The following RBM39 variants were observed in gnomAD, a reference collection of about 807,000 sequenced individuals.
RBM39 encodes the protein RNA-binding protein 39.
Under a neutral mutation model 79.6 loss-of-function variants are expected in RBM39, and 12 were observed. The ratio of observed to expected loss-of-function variants is 0.15; its 90% confidence interval spans 0.10 to 0.24. RBM39 has a LOEUF of 0.24. Among genes scored for constraint, RBM39 ranks in the 10% least tolerant of loss-of-function variants. The pLI is 1.00. For synonymous variants in RBM39, 185 were observed against 208.4 expected, an observed-to-expected ratio of 0.89 and a Z score of 0.97; for missense variants, 243 against 653.4, an observed-to-expected ratio of 0.37 and a Z score of 6.85.
At chr20:35,726,759 C>T (rs1316738355) in intron 6 of RBM39, among the ~76,000 whole-genome samples, 1 of 152,118 alleles carries the variant, frequency 6.6e-6, no homozygotes, top group Non-Finnish European at 1.5e-5. Context: ...CGATCTTTTC[C>T]ATTTTTTGGA....
chr20:35,721,623 G>T lies in RBM39; in HGVS notation c.825+117C>A, dbSNP rs1481855260. ...TGTCACAGAAATTTTTATAAAACCAGCCCTTATCCTCTTAATATTAACTCA... is the reference window on the plus strand; with the variant it reads ...TGTCACAGAAATTTTTATAAAACCATCCCTTATCCTCTTAATATTAACTCA... On this transcript the variant is annotated intron_variant, in intron 9 of 16. Transcript: ENST00000253363. 4 of 1,190,854 alleles carry T rather than the reference G, an allele frequency of 3.4e-6. No individual in the cohort carries two copies. In the African/African-American group the frequency reaches 4.7e-5, roughly 14 times the overall value. 73.8% of individuals were successfully genotyped at this position (1,190,854 alleles called of 1,614,324 possible). A position where few individuals can be genotyped will look rare whatever the true frequency, so the allele number is the denominator to read the frequency against.
rs571255391 is a variant in RBM39, at chr20:35,708,815, A to G, written c.1225+409T>C. ...ACTATGTCTTAAGCAAAAAAAGGTG[A>G]GTTTTATAGCATGATTCACAACTTT... On this transcript the variant is annotated intron_variant, in intron 13 of 16. Transcript: ENST00000253363. The G allele has an allele frequency of 1.5e-4, 26 of 169,622 alleles. No homozygotes were observed. In the East Asian group the frequency reaches 4.1e-3, roughly 27 times the overall value. 10.5% of individuals were successfully genotyped at this position (169,622 alleles called of 1,614,324 possible). A position where few individuals can be genotyped will look rare whatever the true frequency, so the allele number is the denominator to read the frequency against.
Position 35,703,185 on chromosome 20 carries a change from C to T in RBM39, c.*1296G>A, listed in dbSNP as rs2035365163. The T allele has an allele frequency of 6.6e-6, 1 of 152,110 alleles. No homozygotes were observed. The allele number at this position is 152,110 out of a possible 1,614,324, so 9.4% of individuals were successfully genotyped here. A position where few individuals can be genotyped will look rare whatever the true frequency, so the allele number is the denominator to read the frequency against. Reference sequence around the variant, plus strand: ...TAAATGGTGACAGCTTGCTTCCCAACTAGTATGAAAGCTCAAAACCCCTTA... The same window carrying T: ...TAAATGGTGACAGCTTGCTTCCCAATTAGTATGAAAGCTCAAAACCCCTTA... On this transcript the variant is annotated 3_prime_UTR_variant, in exon 17 of 17. Coordinates refer to ENST00000253363, the MANE Select transcript of RBM39 (RefSeq NM_184234.3).
At chr20:35,725,657 CTTTTT>C (rs773506913) in intron 6 of RBM39, among the ~76,000 whole-genome samples, 2 of 122,210 alleles carry the variant, frequency 1.6e-5, no homozygotes, top group African/African-American at 3.1e-5. Flanking sequence ...AACCCATTTT[CTTTTT>C]TTTTTTTTTT....
At chr20:35,715,796 A>C (rs1250807724) in intron 10 of RBM39, among the ~76,000 whole-genome samples, 1 of 152,162 alleles carries the variant, frequency 6.6e-6, no homozygotes, top group Non-Finnish European at 1.5e-5. Context: ...GACAAGGCAG[A>C]TCCCTCATGA....
chr20:35,713,068 T>C lies in RBM39; in HGVS notation c.1125A>G (p.Ala375=), dbSNP rs1275145166. The change falls in exon 12 of 17, where the codon GCA becomes GCG. Residue 375 remains alanine, a synonymous_variant. Coordinates refer to ENST00000253363, the MANE Select transcript of RBM39 (RefSeq NM_184234.3). ...EGTGLQIPPA[A]QQALQMSGSL... ...AGCCACTCATCTGTAGAGCTTGCTG[T>C]GCTGCTGGCGGAATCTGCAAACCTG... The C allele has an allele frequency of 1.9e-6, 3 of 1,613,892 alleles. No individual in the cohort carries two copies. The highest frequency in any genetic ancestry group is 1.7e-4 in the Middle Eastern group (1 of 6,060).
intron 12 of RBM39, among the ~76,000 whole-genome samples, chr20:35,712,435 C>CAAAA (rs765974114): frequency 1.5e-4 from 5 of 32,808 alleles, no homozygotes; most frequent in African/African-American, 5.3e-4. Context: ...TACTGTTATC[C>CAAAA]AAAAAAAAAA....
At chr20:35,734,278 A>C (rs1470231035) in intron 3 of RBM39, 3 of 1,269,076 alleles carry the variant, frequency 2.4e-6, no homozygotes. Context: ...AAGATAATCC[A>C]CCTGACTGTC....
intron 12 of RBM39, among the ~76,000 whole-genome samples, chr20:35,711,771 T>G (rs1357239963): frequency 3.3e-5 from 5 of 152,228 alleles, no homozygotes; most frequent in African/African-American, 1.2e-4. Context: ...CCACAGGACC[T>G]CTTCGTACTT....
In RBM39 at chr20:35,703,185, C is replaced by G. The variant is rs2035365163; in HGVS notation, c.*1296G>C. The stretch of plus-strand genomic sequence containing the variant: ...TAAATGGTGACAGCTTGCTTCCCAA[C>G]TAGTATGAAAGCTCAAAACCCCTTA... On this transcript the variant is annotated 3_prime_UTR_variant, in exon 17 of 17. Transcript: ENST00000253363. 1 of 152,110 alleles carries G rather than the reference C, an allele frequency of 6.6e-6. No homozygotes were observed. The highest frequency in any genetic ancestry group is 2.4e-5 in the African/African-American group (1 of 41,420). The allele number at this position is 152,110 out of a possible 1,614,324, so 9.4% of individuals were successfully genotyped here.
At chr20:35,735,072 G>A (rs749889070) in intron 3 of RBM39, 1 of 1,565,556 alleles carries the variant, frequency 6.4e-7, no homozygotes, top group South Asian at 1.2e-5. Flanking sequence ...AATTTTTAAT[G>A]CAAAGTATTC....
rs1483140966 is a variant in RBM39, at chr20:35,728,962, G to A, written c.416+350C>T. 2.0e-5 allele frequency among the ~76,000 whole-genome samples: 3 copies of A among 151,914 alleles called. No homozygotes were observed. The East Asian group carries it at 5.8e-4, about 29-fold the overall frequency. On this transcript the variant is annotated intron_variant, in intron 6 of 16. Coordinates refer to ENST00000253363, the MANE Select transcript of RBM39 (RefSeq NM_184234.3). ...ATGGTGGTGCATGCCTGTAATCCCA[G>A]CTACTTGGAGGGCTGAGGTAGAAGA...
chr20:35,739,186 A>G, intron 2 of RBM39, 169 bp from the exon 3 acceptor site: 1 of 664,330 alleles, frequency 1.5e-6, no homozygotes, highest in South Asian at 1.8e-5. Flanking sequence ...TATGTGTTTA[A>G]CCACTTTGTT....
At chr20:35,704,884 T>C (rs1044525421) in intron 15 of RBM39, 138 bp from the exon 16 acceptor site, 3 of 668,592 alleles carry the variant, frequency 4.5e-6, no homozygotes, top group Non-Finnish European at 7.7e-6. Flanking sequence ...CACTGGCTAA[T>C]AGGTATACTA....
At chr20:35,718,704 T>C (rs1466459817) in intron 9 of RBM39, among the ~76,000 whole-genome samples, 3 of 150,934 alleles carry the variant, frequency 2.0e-5, no homozygotes, top group African/African-American at 7.3e-5. Flanking sequence ...TCCCAGCTAC[T>C]TGGGAGGCTG....
rs144404503 is a variant in RBM39 at position 35,722,636 on chromosome 20, A to G, written c.688-759T>C. Among the ~76,000 whole-genome samples the G allele has an allele frequency of 2.2e-4, 33 of 152,034 alleles. 1 individual carries two copies. The East Asian group carries it at 6.2e-3, about 29-fold the overall frequency. ...TTTTCAGAGCACATGCCAGTCACATATAAAGTAAGCAGGCTGGCCGGGTGC... is the reference window on the plus strand; with the variant it reads ...TTTTCAGAGCACATGCCAGTCACATGTAAAGTAAGCAGGCTGGCCGGGTGC... On this transcript the variant is annotated intron_variant, in intron 8 of 16. Transcript: ENST00000253363.
At position 35,729,484 on chromosome 20, in the gene RBM39, A is replaced by G; in HGVS notation, c.340T>C (p.Leu114=). Reference sequence around the variant, plus strand: ...AACCTTAATTTGATGCTATGAGGCAACCCAATCTTTCCTCGGATGGCACTG... The same window carrying G: ...AACCTTAATTTGATGCTATGAGGCAGCCCAATCTTTCCTCGGATGGCACTG... ...FNSAIRGKIG[L]PHSIKLSRRR... Residue 114 remains leucine, a synonymous_variant, in exon 5 of 17, where the codon TTG becomes CTG. Coordinates refer to ENST00000253363, the MANE Select transcript of RBM39 (RefSeq NM_184234.3). 6.2e-7 allele frequency: 1 copy of G among 1,613,918 alleles called. No individual in the cohort carries two copies. Among genetic ancestry groups the G allele is most frequent in the Non-Finnish European group, 8.5e-7 (1 of 1,179,954 alleles).
intron 4 of RBM39, chr20:35,731,267 G>A (rs1457086183): frequency 6.6e-6 from 1 of 152,136 alleles, no homozygotes; most frequent in African/African-American, 2.4e-5. Context: ...AGAATTGTAG[G>A]TGGTTAATAT....
At chr20:35,711,610 G>A (rs981816430) in intron 12 of RBM39, among the ~76,000 whole-genome samples, 5 of 152,152 alleles carry the variant, frequency 3.3e-5, no homozygotes, top group Non-Finnish European at 7.4e-5. Flanking sequence ...GAAAGGAAAT[G>A]AAACCAAATG....
Sources: allele counts gnomAD v4.1 joint callset (sites outside exome capture counted in the v4.1 genomes callset), GRCh38; gene constraint gnomAD v4.1.1; transcripts MANE v1.5; gene names NCBI Gene and HGNC (gene_info 2026-07-23, HGNC 2026-07-21).